Variants in LOC128462377 observed in about 807,000 individuals in gnomAD.
the LOC128462377 span, among the ~76,000 whole-genome samples, chr16:89,393,682 G>A: frequency 6.6e-6 from 1 of 151,910 alleles, no homozygotes; most frequent in South Asian, 2.1e-4. Context: ...CACCTCAGAG[G>A]ATTTGTAAGG....
the LOC128462377 span, among the ~76,000 whole-genome samples, chr16:89,383,098 T>C: frequency 4.6e-5 from 7 of 152,298 alleles, no homozygotes; most frequent in African/African-American, 7.2e-5. Flanking sequence ...CACTGTAATA[T>C]AGGTTTTAAA....
chr16:89,343,298 G>A, the LOC128462377 span, among the ~76,000 whole-genome samples: 10 of 152,142 alleles, frequency 6.6e-5, no homozygotes, highest in Non-Finnish European at 1.0e-4. Context: ...GGGCCTGAGC[G>A]CATTTTTTAA....
chr16:89,369,757 C>T, the LOC128462377 span, among the ~76,000 whole-genome samples: 3 of 152,186 alleles, frequency 2.0e-5, no homozygotes, highest in Admixed American at 6.5e-5. Flanking sequence ...GGTGAAACAG[C>T]TGTCTAAGAC....
the LOC128462377 span, among the ~76,000 whole-genome samples, chr16:89,380,546 G>A: frequency 8.7e-6 from 1 of 114,818 alleles, no homozygotes; most frequent in African/African-American, 3.5e-5. Flanking sequence ...AGGGCACGAA[G>A]AGCAGCCCCA....
At chr16:89,364,689 T>C in the LOC128462377 span, among the ~76,000 whole-genome samples, 4,478 of 152,306 alleles carry the variant, frequency 0.029, 150 homozygotes, top group African/African-American at 0.075. Context: ...CGTTTACAAA[T>C]TTGTGTTGGG....
chr16:89,318,909 T>C, the LOC128462377 span, among the ~76,000 whole-genome samples: 5 of 152,202 alleles, frequency 3.3e-5, no homozygotes, highest in African/African-American at 1.2e-4. Flanking sequence ...ATTTTCTCTC[T>C]CTACCTGAAC....
At chr16:89,369,432 C>T in the LOC128462377 span, among the ~76,000 whole-genome samples, 2 of 152,192 alleles carry the variant, frequency 1.3e-5, no homozygotes, top group Non-Finnish European at 1.5e-5. Flanking sequence ...AGCAAGGGTG[C>T]GCCTCCACGG....
At chr16:89,329,015 GCA>G in the LOC128462377 span, 1 of 149,466 alleles carries the variant, frequency 6.7e-6, no homozygotes, top group East Asian at 2.0e-4. Context: ...GGGCGAATCT[GCA>G]GAGGCCCCTG....
At chr16:89,402,109 T>G in the LOC128462377 span, among the ~76,000 whole-genome samples, 3 of 152,154 alleles carry the variant, frequency 2.0e-5, no homozygotes, top group African/African-American at 7.2e-5. Flanking sequence ...ATGGACCTCT[T>G]TAATGGAAAT....
chr16:89,382,542 G>C, the LOC128462377 span, among the ~76,000 whole-genome samples: 27 of 152,110 alleles, frequency 1.8e-4, no homozygotes, highest in African/African-American at 5.8e-4. Context: ...GGCCAGGCTG[G>C]TCTCGAACTC....
the LOC128462377 span, among the ~76,000 whole-genome samples, chr16:89,353,516 C>A: frequency 1.3e-5 from 2 of 152,004 alleles, no homozygotes; most frequent in Admixed American, 1.3e-4. Flanking sequence ...CTTACTGTGT[C>A]ACCCAGGCTG....
chr16:89,385,781 C>A, the LOC128462377 span, among the ~76,000 whole-genome samples: 1 of 152,230 alleles, frequency 6.6e-6, no homozygotes, highest in East Asian at 1.9e-4. Flanking sequence ...GCAGTGAGAC[C>A]GTGCCAGAGC....
chr16:89,354,243 C>CAAAAAA, the LOC128462377 span, among the ~76,000 whole-genome samples: 1 of 126,236 alleles, frequency 7.9e-6, no homozygotes, highest in Non-Finnish European at 1.7e-5. Context: ...TGCATTCAGC[C>CAAAAAA]AAAAAAAAAA....
At chr16:89,405,760 C>A in the LOC128462377 span, among the ~76,000 whole-genome samples, 1 of 152,132 alleles carries the variant, frequency 6.6e-6, no homozygotes, top group African/African-American at 2.4e-5. Flanking sequence ...TCCAGCCAGA[C>A]CCTGGGGCTT....
chr16:89,353,571 G>C, the LOC128462377 span, among the ~76,000 whole-genome samples: 1 of 151,736 alleles, frequency 6.6e-6, no homozygotes, highest in African/African-American at 2.4e-5. Flanking sequence ...TCCGCCTTCC[G>C]GGTTCAAGCA....
chr16:89,339,788 T>A, the LOC128462377 span: 4 of 152,254 alleles, frequency 2.6e-5, no homozygotes, highest in East Asian at 7.7e-4. Flanking sequence ...GCCCCTTATA[T>A]AAGCCCCACC....
the LOC128462377 span, among the ~76,000 whole-genome samples, chr16:89,364,698 G>A: frequency 6.6e-6 from 1 of 152,134 alleles, no homozygotes; most frequent in East Asian, 1.9e-4. Flanking sequence ...ATTTGTGTTG[G>A]GCCACATTCA....
At chr16:89,384,888 T>C in the LOC128462377 span, among the ~76,000 whole-genome samples, 2 of 117,540 alleles carry the variant, frequency 1.7e-5, no homozygotes, top group Admixed American at 8.8e-5. Context: ...TCTTTTTTTT[T>C]TTTTTTTTTT....
chr16:89,381,453 A>C, the LOC128462377 span, among the ~76,000 whole-genome samples: 1 of 152,140 alleles, frequency 6.6e-6, no homozygotes, highest in Non-Finnish European at 1.5e-5. Context: ...TTGTATAAGG[A>C]GCAAGAGCTT....
Sources: gnomAD v4.1 joint callset for allele counts (sites outside exome capture counted in the v4.1 genomes callset) on GRCh38, gnomAD v4.1.1 for gene constraint, MANE v1.5 for transcripts.